RIC8B: variants seen among roughly 807,000 people sequenced by gnomAD.
RIC8B encodes the protein chaperone Ric-8B.
RIC8B carries 16 observed loss-of-function variants against 57.5 expected under a neutral mutation model. The ratio of observed to expected loss-of-function variants is 0.28; its 90% CI spans 0.19 to 0.42. The LOEUF is 0.42. Among genes scored for constraint, RIC8B ranks in the 10% least tolerant of loss-of-function variants. The pLI is 1.00. For synonymous variants in RIC8B, 216 were observed against 250.8 expected, an observed-to-expected ratio of 0.86 and a Z score of 1.31; for missense variants, 481 against 677.0, an observed-to-expected ratio of 0.71 and a Z score of 3.21.
At chr12:106,843,739 A>AT in intron 5 of RIC8B, 113 bp from the exon 6 acceptor site, 2 of 673,310 alleles carry the variant, frequency 3.0e-6, no homozygotes, top group Non-Finnish European at 4.7e-6. Context: ...AAAAAAAAAA[A>AT]AAAAAGTCCC....
intron 9 of RIC8B, chr12:106,872,965 T>C: frequency 1.1e-6 from 1 of 922,310 alleles, no homozygotes; most frequent in Non-Finnish European, 1.3e-6. Context: ...GAACTACCAT[T>C]TCATAAGGCA....
intron 4 of RIC8B, among the ~76,000 whole-genome samples, chr12:106,835,887 G>A (rs2046576048): frequency 6.6e-6 from 1 of 152,184 alleles, no homozygotes; most frequent in Non-Finnish European, 1.5e-5. Context: ...TCCATTCAAA[G>A]TTTTCTTGAA....
chr12:106,844,041 T>A, intron 6 of RIC8B, 94 bp downstream of exon 6: 1 of 880,744 alleles, frequency 1.1e-6, no homozygotes, highest in Non-Finnish European at 1.8e-6. Flanking sequence ...TGATTTTGTT[T>A]CAGATAATCA....
intron 1 of RIC8B, among the ~76,000 whole-genome samples, chr12:106,783,751 C>A (rs1476991583): frequency 6.6e-6 from 1 of 152,196 alleles, no homozygotes; most frequent in Non-Finnish European, 1.5e-5. Context: ...AAAGCCATTC[C>A]GGATTTTCCT....
At position 106,886,063 on chromosome 12, in the gene RIC8B, T is replaced by C. The variant is rs768163447; in HGVS notation, c.*48T>C. The C allele has an allele frequency of 3.1e-6, 4 of 1,291,810 alleles. No homozygotes were observed. Among genetic ancestry groups the C allele is most frequent in the Non-Finnish European group, 4.5e-6 (4 of 890,192 alleles). The allele number at this position is 1,291,810 out of a possible 1,614,324, so 80.0% of individuals were successfully genotyped here. On this transcript the variant is annotated 3_prime_UTR_variant, in exon 10 of 10. Coordinates refer to ENST00000392837, the MANE Select transcript of RIC8B (RefSeq NM_001330145.2). ...AATATTGCTTTATCAGCATCTTTTCTCTGTAGCTCCAGGGGAATCTTTTCT... is the reference window on the plus strand; with the variant it reads ...AATATTGCTTTATCAGCATCTTTTCCCTGTAGCTCCAGGGGAATCTTTTCT...
At chr12:106,817,948 A>G (rs1211927480) in intron 3 of RIC8B, among the ~76,000 whole-genome samples, 2 of 152,236 alleles carry the variant, frequency 1.3e-5, no homozygotes, top group Non-Finnish European at 1.5e-5. Context: ...GTTTACTTCA[A>G]TTGGGCAAGC....
chr12:106,806,789 A>G lies in RIC8B; in HGVS notation c.133-7907A>G, dbSNP rs192378443. On this transcript the variant is annotated intron_variant, in intron 2 of 9. Coordinates refer to ENST00000392837, the MANE Select transcript of RIC8B (RefSeq NM_001330145.2). ...AGATTGCACGCGCCAAGATCATGCC[A>G]TTGCACTCCATCCTAGGCAAGAGTG... Among the ~76,000 whole-genome samples, 39 of 152,254 alleles carry G rather than the reference A, an allele frequency of 2.6e-4. No individual in the cohort carries two copies. The East Asian group carries it at 6.4e-3, about 25-fold the overall frequency.
At chr12:106,854,028 GC>G (rs906216378) in intron 7 of RIC8B, among the ~76,000 whole-genome samples, 39 of 152,282 alleles carry the variant, frequency 2.6e-4, no homozygotes, top group African/African-American at 8.9e-4. Flanking sequence ...CTGACACTTG[GC>G]TCACTGTTGG....
intron 3 of RIC8B, among the ~76,000 whole-genome samples, chr12:106,820,803 G>A (rs1386327053): frequency 1.3e-5 from 2 of 152,238 alleles, no homozygotes. Context: ...GAAATATGCA[G>A]TAGTAGAATC....
At chr12:106,776,963 T>TC (rs891697586) in intron 1 of RIC8B, among the ~76,000 whole-genome samples, 2 of 151,646 alleles carry the variant, frequency 1.3e-5, no homozygotes, top group Non-Finnish European at 2.9e-5. Context: ...CTCCATCTCC[T>TC]CCCCCCCACC....
chr12:106,883,141 C>T lies in RIC8B; in HGVS notation c.1572-2763C>T, dbSNP rs574594634. Among the ~76,000 whole-genome samples, 3 of 152,226 alleles carry T rather than the reference C, an allele frequency of 2.0e-5. No homozygotes were observed. In the South Asian group the frequency reaches 6.2e-4, roughly 32 times the overall value. On this transcript the variant is annotated intron_variant, in intron 9 of 9. Transcript: ENST00000392837. ...CAGGAGTGATGGTATATCCACCCAG[C>T]AGTTTATCACTCAGTCCCATCTGCC...
intron 4 of RIC8B, among the ~76,000 whole-genome samples, chr12:106,831,347 AT>A (rs1003909450): frequency 4.6e-5 from 7 of 152,222 alleles, no homozygotes; most frequent in African/African-American, 1.2e-4. Flanking sequence ...GAGAAAAAAA[AT>A]TTTTTTAATC....
intron 2 of RIC8B, among the ~76,000 whole-genome samples, chr12:106,811,739 C>T (rs1358898309): frequency 1.3e-5 from 2 of 152,048 alleles, no homozygotes; most frequent in African/African-American, 4.8e-5. Context: ...GGAAATTGGG[C>T]CCATTTCAGC....
chr12:106,814,674 C>T, intron 2 of RIC8B, 22 bp from the exon 3 acceptor site: 2 of 1,555,622 alleles, frequency 1.3e-6, no homozygotes, highest in Admixed American at 4.0e-5. Context: ...ATGATTTTTG[C>T]ATACTCGTTC....
At chr12:106,790,183 TTATC>T (rs2044207926) in intron 2 of RIC8B, among the ~76,000 whole-genome samples, 2 of 152,158 alleles carry the variant, frequency 1.3e-5, no homozygotes, top group Non-Finnish European at 2.9e-5. Flanking sequence ...AGACAGCAGA[TTATC>T]TATTATGTGC....
intron 2 of RIC8B, among the ~76,000 whole-genome samples, chr12:106,809,148 T>C (rs1307955096): frequency 6.6e-6 from 1 of 152,198 alleles, no homozygotes; most frequent in Admixed American, 6.5e-5. Context: ...GGAAATTACA[T>C]TGGAATCAGA....
chr12:106,834,864 G>A (rs1271103517), intron 4 of RIC8B, among the ~76,000 whole-genome samples: 2 of 151,112 alleles, frequency 1.3e-5, no homozygotes, highest in Non-Finnish European at 3.0e-5. Flanking sequence ...GGTGCCTGTA[G>A]TCCCAGGTAC....
chr12:106,863,577 A>C (rs1950023449), intron 8 of RIC8B, among the ~76,000 whole-genome samples: 1 of 152,034 alleles, frequency 6.6e-6, no homozygotes, highest in Non-Finnish European at 1.5e-5. Flanking sequence ...TATTTATTGA[A>C]GTAAGTGACC....
intron 4 of RIC8B, among the ~76,000 whole-genome samples, chr12:106,830,220 T>C (rs2046298321): frequency 6.6e-6 from 1 of 152,250 alleles, no homozygotes; most frequent in Non-Finnish European, 1.5e-5. Flanking sequence ...AAGAGTGTCA[T>C]GGGGATTTTC....
Sources: gnomAD v4.1 joint callset for allele counts (sites outside exome capture counted in the v4.1 genomes callset) on GRCh38, gnomAD v4.1.1 for gene constraint, MANE v1.5 for transcripts, NCBI Gene and HGNC (gene_info 2026-07-23, HGNC 2026-07-21) for gene names.